Variants in ZNF385D observed in about 807,000 individuals in gnomAD.
ZNF385D encodes zinc finger protein 385D, also known as zinc finger protein 659.
ZNF385D carries 15 observed loss-of-function variants against 35.8 expected under a neutral mutation model. The ratio of observed to expected loss-of-function variants is 0.42; its 90% CI spans 0.28 to 0.64. ZNF385D has a LOEUF of 0.64. ZNF385D is among the 30% of genes least tolerant of loss of function. ZNF385D has a pLI of 0.23. For missense variants in ZNF385D, 474 were observed against 494.6 expected (o/e 0.96, Z 0.39); for synonymous variants, 212 against 186.8 (o/e 1.13, Z -1.10).
At chr3:22,076,725 G>C (rs1046685125) in intron 3 of ZNF385D, among the ~76,000 whole-genome samples, 2 of 151,758 alleles carry the variant, frequency 1.3e-5, no homozygotes, top group Admixed American at 6.6e-5. Context: ...TTTTATATTC[G>C]GGTTAGGATT....
At chr3:22,006,326 T>C (rs1679254) in intron 3 of ZNF385D, among the ~76,000 whole-genome samples, 1 of 151,834 alleles carries the variant, frequency 6.6e-6, no homozygotes, top group Non-Finnish European at 1.5e-5. Flanking sequence ...TTCCTAGTTG[T>C]ACAAAAATCT....
intron 3 of ZNF385D, among the ~76,000 whole-genome samples, chr3:22,101,439 T>C (rs1241044839): frequency 6.6e-6 from 1 of 152,122 alleles, no homozygotes; most frequent in African/African-American, 2.4e-5. Context: ...GTGCTGGATG[T>C]TCTCAGAGAG....
intron 2 of ZNF385D, among the ~76,000 whole-genome samples, chr3:22,252,656 G>A (rs932608017): frequency 2.0e-5 from 3 of 152,194 alleles, no homozygotes; most frequent in Non-Finnish European, 2.9e-5. Flanking sequence ...TGCATCGATA[G>A]AGAAGCAGAG....
chr3:22,037,934 A>C (rs866594615), intron 3 of ZNF385D, among the ~76,000 whole-genome samples: 21 of 152,300 alleles, frequency 1.4e-4, no homozygotes, highest in South Asian at 8.3e-4. Context: ...CATATCTACA[A>C]CTATCTGATC....
chr3:21,524,040 A>T (rs1417926155), intron 3 of ZNF385D, among the ~76,000 whole-genome samples: 3 of 152,336 alleles, frequency 2.0e-5, no homozygotes, highest in East Asian at 3.9e-4. Context: ...GGTCTCAAAG[A>T]TGCCTTGCAG....
rs541744760 is a variant in ZNF385D, at chr3:22,287,496, CTG to C, written c.106+84952_106+84953del. Reference sequence around the variant, plus strand: ...TAATGGTTCTCTCTAATGATATACTCTGAATCATTTTTATCTTTTGTGTACCT... The same window carrying C: ...TAATGGTTCTCTCTAATGATATACTCAATCATTTTTATCTTTTGTGTACCT... On this transcript the variant is annotated intron_variant, in intron 2 of 5. Transcript: ENST00000494108. 5.3e-5 allele frequency among the ~76,000 whole-genome samples: 8 copies of C among 152,028 alleles called. No individual in the cohort carries two copies. The South Asian group carries it at 1.2e-3, about 24-fold the overall frequency.
At chr3:21,549,753 A>C (rs2062503494) in intron 3 of ZNF385D, among the ~76,000 whole-genome samples, 1 of 152,230 alleles carries the variant, frequency 6.6e-6, no homozygotes, top group African/African-American at 2.4e-5. Context: ...GCTCAGGCCA[A>C]AGCTCAAATA....
intron 2 of ZNF385D, among the ~76,000 whole-genome samples, chr3:22,220,024 T>C (rs1164113071): frequency 6.6e-6 from 1 of 152,034 alleles, no homozygotes; most frequent in African/African-American, 2.4e-5. Context: ...GTCTTTCTCA[T>C]CTGGAAAGTT....
intron 2 of ZNF385D, among the ~76,000 whole-genome samples, chr3:21,619,242 C>A (rs1468689037): frequency 6.6e-6 from 1 of 152,084 alleles, no homozygotes; most frequent in African/African-American, 2.4e-5. Context: ...GAGATTTGTT[C>A]TCTCATCTCC....
At chr3:21,820,617 T>C (rs958891996) in intron 3 of ZNF385D, among the ~76,000 whole-genome samples, 2 of 151,016 alleles carry the variant, frequency 1.3e-5, no homozygotes, top group African/African-American at 2.4e-5. Context: ...TAAAGATACA[T>C]GAAAAATACA....
At chr3:21,904,354 T>C (rs1431789002) in intron 3 of ZNF385D, among the ~76,000 whole-genome samples, 1 of 151,014 alleles carries the variant, frequency 6.6e-6, no homozygotes, top group African/African-American at 2.4e-5. Flanking sequence ...TCAATATGCA[T>C]TTTAACTATG....
chr3:21,863,924 C>T (rs1697192721), intron 3 of ZNF385D, among the ~76,000 whole-genome samples: 1 of 152,076 alleles, frequency 6.6e-6, no homozygotes, highest in Non-Finnish European at 1.5e-5. Context: ...GAATCTTGTT[C>T]AAAATGCAGA....
chr3:22,018,148 TA>T (rs1274199814), intron 3 of ZNF385D, among the ~76,000 whole-genome samples: 1 of 151,778 alleles, frequency 6.6e-6, no homozygotes, highest in African/African-American at 2.4e-5. Context: ...TTTTATTGTT[TA>T]AAAAATATTC....
chr3:22,019,697 A>G (rs897774177), intron 3 of ZNF385D, among the ~76,000 whole-genome samples: 1 of 151,960 alleles, frequency 6.6e-6, no homozygotes, highest in Admixed American at 6.6e-5. Flanking sequence ...CTGGTTAACC[A>G]TTTTGGAGAC....
intron 2 of ZNF385D, among the ~76,000 whole-genome samples, chr3:21,596,702 C>G (rs1257571028): frequency 6.7e-6 from 1 of 149,716 alleles, no homozygotes; most frequent in South Asian, 2.1e-4. Context: ...TGGTCTCAAA[C>G]TCCTGGCCAC....
intron 3 of ZNF385D, among the ~76,000 whole-genome samples, chr3:22,002,123 A>G (rs1695877997): frequency 6.6e-6 from 1 of 151,912 alleles, no homozygotes; most frequent in South Asian, 2.1e-4. Flanking sequence ...AAAGACTTAA[A>G]AAAAAACACA....
chr3:21,638,592 T>C (rs1317900636), intron 2 of ZNF385D, among the ~76,000 whole-genome samples: 1 of 152,080 alleles, frequency 6.6e-6, no homozygotes, highest in Non-Finnish European at 1.5e-5. Context: ...AAGTTATTTA[T>C]CTCTGACCTA....
Position 21,421,034 on chromosome 3 carries a change from T to TCCCCCCCCCCCCCCCCCCAAC in ZNF385D, c.*179_*180insGTTGGGGGGGGGGGGGGGGGG. The TCCCCCCCCCCCCCCCCCCAAC allele has an allele frequency of 6.0e-6, 1 of 167,806 alleles. No individual in the cohort carries two copies. The highest frequency in any genetic ancestry group is 1.2e-5 in the Non-Finnish European group (1 of 84,654). 10.4% of individuals were successfully genotyped at this position (167,806 alleles called of 1,614,324 possible). ...TGCTTTAATTTGGAGAAAATACCAC[T>TCCCCCCCCCCCCCCCCCCAAC]CCCTCCCTCCCACCCCCAAACCTCC... On this transcript the variant is annotated 3_prime_UTR_variant, in exon 8 of 8. Transcript: ENST00000281523.
intron 1 of ZNF385D, among the ~76,000 whole-genome samples, chr3:21,748,513 A>G (rs2069893297): frequency 6.6e-6 from 1 of 152,190 alleles, no homozygotes; most frequent in Non-Finnish European, 1.5e-5. Context: ...GTACCATAGC[A>G]TCACCATGCT....
Sources: allele counts gnomAD v4.1 joint callset (sites outside exome capture counted in the v4.1 genomes callset), GRCh38; gene constraint gnomAD v4.1.1; transcripts MANE v1.5; gene names NCBI Gene and HGNC (gene_info 2026-07-23, HGNC 2026-07-21).